KCND3: variants seen among roughly 807,000 people sequenced by gnomAD.
KCND3 encodes the protein potassium voltage-gated channel subfamily D member 3, also known as A-type voltage-gated potassium channel KCND3.
KCND3 carries 9 observed loss-of-function variants against 51.1 expected under a neutral mutation model. That is an observed-to-expected ratio of 0.18 (90% CI 0.11 to 0.31). The LOEUF is 0.31. Among genes scored for constraint, KCND3 ranks in the 10% least tolerant of loss-of-function variants. The pLI, the probability that KCND3 is intolerant of heterozygous loss-of-function variation, is 1.00. For synonymous variants in KCND3, 349 were observed against 368.0 expected (o/e 0.95, Z 0.59); for missense variants, 526 against 903.8 (o/e 0.58, Z 5.36).
At chr1:111,843,356 C>T (rs1667413325) in intron 2 of KCND3, among the ~76,000 whole-genome samples, 1 of 152,226 alleles carries the variant, frequency 6.6e-6, no homozygotes, top group African/African-American at 2.4e-5. Context: ...ATTCCCTTGG[C>T]TTTTCCCCAT....
intron 2 of KCND3, among the ~76,000 whole-genome samples, chr1:111,862,074 T>C (rs959197058): frequency 2.0e-5 from 3 of 152,304 alleles, no homozygotes; most frequent in South Asian, 2.1e-4. Flanking sequence ...AGGGCTTTTA[T>C]AGTGCAGGGC....
chr1:111,885,288 A>C (rs1669518037), intron 2 of KCND3, among the ~76,000 whole-genome samples: 1 of 152,126 alleles, frequency 6.6e-6, no homozygotes, highest in Non-Finnish European at 1.5e-5. Flanking sequence ...ACGTTCACAA[A>C]CCTCCAGCCT....
intron 3 of KCND3, among the ~76,000 whole-genome samples, chr1:111,782,820 G>A (rs896954662): frequency 6.6e-6 from 1 of 152,082 alleles, no homozygotes; most frequent in Admixed American, 6.5e-5. Flanking sequence ...CATATCAAAT[G>A]TACTAGATCA....
In KCND3 at chr1:111,839,766, A is replaced by G. The variant is rs915717852; in HGVS notation, c.1107-52660T>C. Among the ~76,000 whole-genome samples the G allele has an allele frequency of 1.2e-4, 19 of 152,256 alleles. 1 individual carries two copies. Among genetic ancestry groups the G allele is most frequent in the African/African-American group, 4.1e-4 (17 of 41,472 alleles). On this transcript the variant is annotated intron_variant, in intron 2 of 7. Coordinates refer to ENST00000302127, the MANE Select transcript of KCND3 (RefSeq NM_001378969.1). Reference sequence around the variant, plus strand: ...CAGATAAGGAGACAGAGGCTTGGTGAGGTTAAAGAACTTGCCCAAAGTCAC... The same window carrying G: ...CAGATAAGGAGACAGAGGCTTGGTGGGGTTAAAGAACTTGCCCAAAGTCAC...
intron 2 of KCND3, among the ~76,000 whole-genome samples, chr1:111,880,162 C>A (rs1367404753): frequency 2.0e-5 from 3 of 152,098 alleles, no homozygotes; most frequent in Non-Finnish European, 4.4e-5. Context: ...AACGCTAGAA[C>A]CTGCCTGGTA....
intron 2 of KCND3, among the ~76,000 whole-genome samples, chr1:111,855,691 C>G (rs979610712): frequency 6.6e-6 from 1 of 152,108 alleles, no homozygotes; most frequent in African/African-American, 2.4e-5. Context: ...TTTTCCATAA[C>G]CCCCTGCTGC....
At chr1:111,950,171 G>A (rs61790260) in intron 2 of KCND3, among the ~76,000 whole-genome samples, 320 of 152,272 alleles carry the variant, frequency 2.1e-3, no homozygotes, top group Admixed American at 3.0e-3. Context: ...TCAGCCTCCC[G>A]AAGTGCTGGG....
At chr1:111,908,957 T>G (rs928442296) in intron 2 of KCND3, among the ~76,000 whole-genome samples, 1 of 150,420 alleles carries the variant, frequency 6.6e-6, no homozygotes, top group Non-Finnish European at 1.5e-5. Flanking sequence ...ATGCCTTTTT[T>G]TTTTTTTTTT....
intron 2 of KCND3, among the ~76,000 whole-genome samples, chr1:111,797,741 G>A (rs1665118974): frequency 6.6e-6 from 1 of 152,208 alleles, no homozygotes; most frequent in Admixed American, 6.5e-5. Flanking sequence ...ACTGGCTGGA[G>A]TAAAGGGTAG....
intron 2 of KCND3, among the ~76,000 whole-genome samples, chr1:111,797,371 T>C (rs1665100509): frequency 6.6e-6 from 1 of 152,188 alleles, no homozygotes; most frequent in South Asian, 2.1e-4. Context: ...AGGGATTCCC[T>C]GCGCACTGTC....
At chr1:111,782,137 A>T (rs1269865337) in intron 3 of KCND3, among the ~76,000 whole-genome samples, 1 of 152,040 alleles carries the variant, frequency 6.6e-6, no homozygotes, top group African/African-American at 2.4e-5. Flanking sequence ...AAATTGTGGC[A>T]ATTTCCACTT....
At chr1:111,860,050 C>T (rs1005712247) in intron 2 of KCND3, among the ~76,000 whole-genome samples, 2 of 152,212 alleles carry the variant, frequency 1.3e-5, no homozygotes, top group Non-Finnish European at 2.9e-5. Context: ...TTCATTGGTG[C>T]TATTCTGATA....
rs975608248 is a variant in KCND3, at chr1:111,788,730, A to T, written c.1107-1624T>A. On this transcript the variant is annotated intron_variant, in intron 2 of 7. Coordinates refer to ENST00000302127, the MANE Select transcript of KCND3 (RefSeq NM_001378969.1). ...GGCCTCCAGGGAAGTGGTTGAGAAC[A>T]TGGATTCTGAATTTAGATAATGTGG... 2.0e-5 allele frequency among the ~76,000 whole-genome samples: 3 copies of T among 152,214 alleles called. No individual in the cohort carries two copies. In the South Asian group the frequency reaches 6.2e-4, roughly 32 times the overall value.
At chr1:111,786,192 G>A (rs1051839083) in intron 3 of KCND3, among the ~76,000 whole-genome samples, 1 of 152,366 alleles carries the variant, frequency 6.6e-6, no homozygotes, top group Admixed American at 6.5e-5. Context: ...CCTTAAAAAT[G>A]CAAGTGAACA....
chr1:111,851,288 T>C (rs568063982), intron 2 of KCND3, among the ~76,000 whole-genome samples: 1 of 152,344 alleles, frequency 6.6e-6, no homozygotes, highest in South Asian at 2.1e-4. Flanking sequence ...AGTAACTGTG[T>C]CTAAGCACCT....
chr1:111,864,631 C>T (rs1479141115), intron 2 of KCND3, among the ~76,000 whole-genome samples: 1 of 152,110 alleles, frequency 6.6e-6, no homozygotes. Flanking sequence ...CCCAATCATC[C>T]CTTGCTGCTG....
At chr1:111,854,506 G>A (rs995731629) in intron 2 of KCND3, among the ~76,000 whole-genome samples, 7 of 152,154 alleles carry the variant, frequency 4.6e-5, no homozygotes, top group Non-Finnish European at 8.8e-5. Flanking sequence ...CAGAAACCAA[G>A]ACCTGTGGGA....
At chr1:111,979,805 C>T (rs1291751701) in intron 2 of KCND3, among the ~76,000 whole-genome samples, 4 of 152,178 alleles carry the variant, frequency 2.6e-5, no homozygotes, top group Non-Finnish European at 5.9e-5. Context: ...AGTAGACAAT[C>T]ATATGCTGTT....
chr1:111,858,554 A>AT (rs1347262661), intron 2 of KCND3, among the ~76,000 whole-genome samples: 1 of 151,932 alleles, frequency 6.6e-6, no homozygotes, highest in Non-Finnish European at 1.5e-5. Flanking sequence ...TATCATGTTG[A>AT]TTTTTTCTTC....
Sources: allele counts gnomAD v4.1 joint callset (sites outside exome capture counted in the v4.1 genomes callset), GRCh38; gene constraint gnomAD v4.1.1; transcripts MANE v1.5; gene names NCBI Gene and HGNC (gene_info 2026-07-23, HGNC 2026-07-21).